The following RETREG3 variants were observed in gnomAD, a reference collection of about 807,000 sequenced individuals.
The protein encoded by RETREG3 is reticulophagy regulator 3.
Under a neutral mutation model 50.2 loss-of-function variants are expected in RETREG3, and 23 were observed. That is an observed-to-expected ratio of 0.46 (90% CI 0.33 to 0.65). The LOEUF (loss-of-function observed/expected upper bound fraction) is 0.65. RETREG3 is among the 30% of genes least tolerant of loss of function. RETREG3 has a pLI of 0.02. For synonymous variants in RETREG3, 240 were observed against 234.4 expected, an observed-to-expected ratio of 1.02 and a Z score of -0.22; for missense variants, 546 against 598.0, an observed-to-expected ratio of 0.91 and a Z score of 0.91.
At chr17:42,594,489 G>C (rs1011582260) in intron 1 of RETREG3, among the ~76,000 whole-genome samples, 1 of 152,034 alleles carries the variant, frequency 6.6e-6, no homozygotes, top group Non-Finnish European at 1.5e-5. Flanking sequence ...GGGAGGTGGA[G>C]GTTGCAGTGA....
Position 42,582,185 on chromosome 17 carries a change from C to T in RETREG3, c.1029G>A (p.Leu343=). Residue 343 remains leucine, a synonymous_variant, in exon 9 of 9, where the codon CTG becomes CTA. Coordinates refer to ENST00000309428, the MANE Select transcript of RETREG3 (RefSeq NM_178126.4). The stretch of plus-strand genomic sequence containing the variant: ...CAATGCTAGTGTCGTCCTCATCATC[C>T]AGGCCAGCAGGATCCATATTAATGG... ...FPSINMDPAG[L]DDEDDTSIGM... 6.2e-7 allele frequency: 1 copy of T among 1,613,932 alleles called. No individual in the cohort carries two copies. The highest frequency in any genetic ancestry group is 8.5e-7 in the Non-Finnish European group (1 of 1,180,018).
At position 42,604,148 on chromosome 17, in the gene RETREG3, TTTTA is replaced by T. The variant is rs552655586; in HGVS notation, c.239+4934_239+4937del. ...ATCCTTAATCACTTTTTTGGGTCAT[TTTTA>T]TTTATTTATTTTTTTGGGGGGGCGG... On this transcript the variant is annotated intron_variant, in intron 1 of 8. Coordinates refer to ENST00000309428, the MANE Select transcript of RETREG3 (RefSeq NM_178126.4). 2.6e-4 allele frequency among the ~76,000 whole-genome samples: 39 copies of T among 152,250 alleles called. No homozygotes were observed. The East Asian group carries it at 6.9e-3, about 27-fold the overall frequency.
At position 42,597,497 on chromosome 17, in the gene RETREG3, T is replaced by TTGTG. The variant is rs71157646; in HGVS notation, c.240-5339_240-5336dup. On this transcript the variant is annotated intron_variant, in intron 1 of 8. Transcript: ENST00000309428. ...CCACCGCGCCCAGCCAGAATCTATT[T>TTGTG]TGTGTGTGTGTGTGTGTGTGTGTGT... is the stretch of plus-strand genomic sequence containing the variant. Among the ~76,000 whole-genome samples the TTGTG allele has an allele frequency of 1.2e-3, 138 of 116,776 alleles. 1 individual carries two copies. Among genetic ancestry groups the TTGTG allele is most frequent in the African/African-American group, 4.5e-3 (132 of 29,528 alleles). 76.6% of individuals were successfully genotyped at this position (116,776 alleles called of 152,430 possible).
chr17:42,584,920 G>A (rs1297731119), intron 6 of RETREG3, among the ~76,000 whole-genome samples: 2 of 151,514 alleles, frequency 1.3e-5, no homozygotes, highest in African/African-American at 4.9e-5. Flanking sequence ...GGTTTAAAAC[G>A]GGAGCCTAGG....
chr17:42,597,909 C>A (rs1213466185), intron 1 of RETREG3, among the ~76,000 whole-genome samples: 1 of 148,264 alleles, frequency 6.7e-6, no homozygotes, highest in African/African-American at 2.5e-5. Context: ...GGATTACAGG[C>A]ATAAGCCACC....
rs2093102967 is a variant in RETREG3 at position 42,579,692 on chromosome 17, A to G, written c.*2121T>C. 6.6e-6 allele frequency: 1 copy of G among 152,666 alleles called. No homozygotes were observed. Among genetic ancestry groups the G allele is most frequent in the African/African-American group, 2.4e-5 (1 of 41,352 alleles). The allele number at this position is 152,666 out of a possible 1,614,324, so 9.5% of individuals were successfully genotyped here. On this transcript the variant is annotated 3_prime_UTR_variant, in exon 9 of 9. Coordinates refer to ENST00000309428, the MANE Select transcript of RETREG3 (RefSeq NM_178126.4). ...AGGCCTGAAGCGCACACTCATGCAA[A>G]CACACGAAATCCCCCTCCTTCCCCA... is the stretch of plus-strand genomic sequence containing the variant.
chr17:42,590,822 C>G (rs2093131708), intron 2 of RETREG3, among the ~76,000 whole-genome samples: 1 of 152,086 alleles, frequency 6.6e-6, no homozygotes, highest in African/African-American at 2.4e-5. Context: ...CAAAAATTAG[C>G]CAGGCATGGT....
intron 1 of RETREG3, among the ~76,000 whole-genome samples, chr17:42,606,270 A>G (rs1297370201): frequency 6.6e-6 from 1 of 152,070 alleles, no homozygotes; most frequent in South Asian, 2.1e-4. Context: ...ACATCTAAAG[A>G]TATGTCCCAG....
At chr17:42,605,350 CAAT>C (rs1749128374) in intron 1 of RETREG3, 1 of 152,012 alleles carries the variant, frequency 6.6e-6, no homozygotes, top group Non-Finnish European at 1.5e-5. Context: ...TTATTCAATA[CAAT>C]AAAAGAGAAA....
Position 42,581,985 on chromosome 17 carries a change from A to G in RETREG3, c.1229T>C (p.Leu410Ser). 6.2e-7 allele frequency: 1 copy of G among 1,614,124 alleles called. No individual in the cohort carries two copies. Among genetic ancestry groups the G allele is most frequent in the Non-Finnish European group, 8.5e-7 (1 of 1,180,016 alleles). Residue 410 changes from leucine (L) to serine (S), a missense_variant, in exon 9 of 9, where the codon TTG (leucine) becomes TCG (serine). Coordinates refer to ENST00000309428, the MANE Select transcript of RETREG3 (RefSeq NM_178126.4). ...AGGGCCTGGTTGGGAGGCCCCTGAC[A>G]AGGCCAGCTGAATCATACCCTGGGA... ...LVSQGMIQLA[L>S]SGASQPGPSG...
rs1278664510 is a variant in RETREG3, at chr17:42,585,026, A to G, written c.727+99T>C. The G allele has an allele frequency of 4.1e-6, 6 of 1,454,078 alleles. No individual in the cohort carries two copies. In the African/African-American group the frequency reaches 5.6e-5, roughly 14 times the overall value. 90.1% of individuals were successfully genotyped at this position (1,454,078 alleles called of 1,614,324 possible). On this transcript the variant is annotated intron_variant, in intron 6 of 8. Coordinates refer to ENST00000309428, the MANE Select transcript of RETREG3 (RefSeq NM_178126.4). ...TCCTCACCCCCACCAACTACCCCCG[A>G]CTTCCACTTTTGAGGACCCACCCAG...
At chr17:42,593,022 AT>A (rs1227653920) in intron 1 of RETREG3, among the ~76,000 whole-genome samples, 1 of 152,160 alleles carries the variant, frequency 6.6e-6, no homozygotes, top group Non-Finnish European at 1.5e-5. Context: ...GTTCTCCAGA[AT>A]TAACACAAAT....
Position 42,580,056 on chromosome 17 carries a change from G to A in RETREG3, c.*1757C>T, listed in dbSNP as rs146296692. 1 of 152,926 alleles carries A rather than the reference G, an allele frequency of 6.5e-6. No homozygotes were observed. Among genetic ancestry groups the A allele is most frequent in the African/African-American group, 2.4e-5 (1 of 41,572 alleles). The allele number at this position is 152,926 out of a possible 1,614,324, so 9.5% of individuals were successfully genotyped here. ...GAAAGAGGACAGAAGCGTTTGGCTT[G>A]AGCTCTGCTTGGGGAGGCAGAGGCT... On this transcript the variant is annotated 3_prime_UTR_variant, in exon 9 of 9. Transcript: ENST00000309428.
At chr17:42,603,475 T>C (rs2093162014) in intron 1 of RETREG3, among the ~76,000 whole-genome samples, 1 of 152,094 alleles carries the variant, frequency 6.6e-6, no homozygotes, top group South Asian at 2.1e-4. Flanking sequence ...GTGACAGTTG[T>C]TGCTTGCAAA....
chr17:42,595,921 A>C (rs1431553983), intron 1 of RETREG3, among the ~76,000 whole-genome samples: 1 of 151,864 alleles, frequency 6.6e-6, no homozygotes, highest in East Asian at 1.9e-4. Context: ...AAAATCATTA[A>C]GAAAAAATAG....
At chr17:42,597,976 G>GTTTTTTTTTTTTT (rs869196773) in intron 1 of RETREG3, among the ~76,000 whole-genome samples, 1 of 95,850 alleles carries the variant, frequency 1.0e-5, no homozygotes, top group Non-Finnish European at 2.0e-5. Flanking sequence ...TTCCTCTGAA[G>GTTTTTTTTTTTTT]TTTTTTTTTT....
At chr17:42,586,945 T>A in intron 3 of RETREG3, 54 bp from the exon 4 acceptor site, 1 of 1,601,698 alleles carries the variant, frequency 6.2e-7, no homozygotes, top group Non-Finnish European at 8.5e-7. Flanking sequence ...GGTCCCCCCA[T>A]CTTGCTGTGC....
chr17:42,604,769 T>C (rs2093164861), intron 1 of RETREG3, among the ~76,000 whole-genome samples: 1 of 151,810 alleles, frequency 6.6e-6, no homozygotes, highest in African/African-American at 2.4e-5. Context: ...CTCTTCATGT[T>C]AGGTGGGAGA....
At chr17:42,589,607 T>A (rs1056981682) in intron 2 of RETREG3, among the ~76,000 whole-genome samples, 52 of 152,126 alleles carry the variant, frequency 3.4e-4, no homozygotes, top group Non-Finnish European at 6.6e-4. Context: ...GTAATTTTTT[T>A]ATTTTTTGTA....
Sources: allele counts gnomAD v4.1 joint callset (sites outside exome capture counted in the v4.1 genomes callset), GRCh38; gene constraint gnomAD v4.1.1; transcripts MANE v1.5; gene names NCBI Gene and HGNC (gene_info 2026-07-23, HGNC 2026-07-21).